GPC6: variants seen among roughly 807,000 people sequenced by gnomAD.
GPC6 encodes the protein glypican-6.
Under a neutral mutation model 55.2 loss-of-function variants are expected in GPC6, and 14 were observed. The observed-to-expected ratio is 0.25, with a 90% CI of 0.17 to 0.40. GPC6 has a LOEUF of 0.40. Ranked by LOEUF, GPC6 falls within the 10% of genes least tolerant of loss-of-function variation. The pLI is 1.00. For missense variants in GPC6, 641 were observed against 708.5 expected (o/e 0.90, Z 1.08); for synonymous variants, 278 against 259.6 (o/e 1.07, Z -0.68).
At chr13:93,765,253 C>CAGATAAGCTGTCTGGAAAGACAACTTTCT (rs2138883053) in intron 2 of GPC6, among the ~76,000 whole-genome samples, 2 of 78,312 alleles carry the variant, frequency 2.6e-5, no homozygotes, top group Non-Finnish European at 7.4e-5. Flanking sequence ...GACAACTTTC[C>CAGATAAGCTGTCTGGAAAGACAACTTTCT]AGATAAGCTG....
chr13:93,887,870 C>T (rs987732337), intron 3 of GPC6, among the ~76,000 whole-genome samples: 1 of 151,892 alleles, frequency 6.6e-6, no homozygotes. Context: ...TATAATGGAC[C>T]CATAAATGAA....
intron 2 of GPC6, among the ~76,000 whole-genome samples, chr13:93,802,696 G>C (rs1474060361): frequency 3.3e-5 from 5 of 152,142 alleles, no homozygotes; most frequent in African/African-American, 1.2e-4. Flanking sequence ...CCATGCTGGG[G>C]CTGAAAATAA....
chr13:93,851,812 C>A (rs1261099027), intron 3 of GPC6, among the ~76,000 whole-genome samples: 2 of 151,590 alleles, frequency 1.3e-5, no homozygotes, highest in Admixed American at 1.3e-4. Context: ...AGGATTATAT[C>A]CTTCTGCCAC....
chr13:94,004,886 A>T (rs997447944), intron 3 of GPC6, among the ~76,000 whole-genome samples: 2 of 152,022 alleles, frequency 1.3e-5, no homozygotes, highest in Non-Finnish European at 2.9e-5. Flanking sequence ...ACATGGTGAA[A>T]CACCGTCTCC....
chr13:93,782,472 T>C (rs1885683312), intron 2 of GPC6, among the ~76,000 whole-genome samples: 3 of 152,186 alleles, frequency 2.0e-5, no homozygotes, highest in Admixed American at 1.3e-4. Flanking sequence ...CTGCATCATA[T>C]AGTAGTTCGA....
rs1292999717 is a variant in GPC6 at position 94,407,466 on chromosome 13, TTG to T, written c.*4253_*4254del. 5 of 152,152 alleles carry T rather than the reference TTG, an allele frequency of 3.3e-5. No individual in the cohort carries two copies. Among genetic ancestry groups the T allele is most frequent in the Admixed American group, 6.5e-5 (1 of 15,276 alleles). The allele number at this position is 152,152 out of a possible 1,614,324, so 9.4% of individuals were successfully genotyped here. ...CTAAATTTCAGAGCCATGGAATTTT[TTG>T]TGTTTGAGACATTTTTAGAAGCTTC... On this transcript the variant is annotated 3_prime_UTR_variant, in exon 9 of 9. Coordinates refer to ENST00000377047, the MANE Select transcript of GPC6 (RefSeq NM_005708.5).
chr13:93,890,520 A>G (rs975168460), intron 3 of GPC6, among the ~76,000 whole-genome samples: 1 of 152,030 alleles, frequency 6.6e-6, no homozygotes, highest in Non-Finnish European at 1.5e-5. Context: ...TTTTGTTGTT[A>G]TCGAAAGGGG....
At chr13:93,546,507 C>T (rs1874796223) in intron 2 of GPC6, among the ~76,000 whole-genome samples, 1 of 152,160 alleles carries the variant, frequency 6.6e-6, no homozygotes, top group Non-Finnish European at 1.5e-5. Context: ...GTGTAAGTGA[C>T]CGGAGTTTGA....
chr13:93,480,305 C>A (rs894375911), intron 1 of GPC6, among the ~76,000 whole-genome samples: 8 of 151,950 alleles, frequency 5.3e-5, no homozygotes, highest in Admixed American at 4.6e-4. Context: ...TAAAGGGTAA[C>A]CTTTTGAATT....
intron 6 of GPC6, among the ~76,000 whole-genome samples, chr13:94,310,524 C>T (rs900609270): frequency 1.1e-4 from 16 of 152,122 alleles, no homozygotes; most frequent in African/African-American, 2.4e-4. Context: ...ATTTGTTTTC[C>T]TCTTGCTTCC....
At chr13:93,782,898 A>G (rs9524209) in intron 2 of GPC6, among the ~76,000 whole-genome samples, 51,210 of 151,940 alleles carry the variant, frequency 0.34, 9,191 homozygotes, top group African/African-American at 0.46. Context: ...TTGTTACATA[A>G]GTAAAGGTAT....
intron 4 of GPC6, among the ~76,000 whole-genome samples, chr13:94,133,714 A>G (rs1327106687): frequency 6.9e-6 from 1 of 144,230 alleles, no homozygotes; most frequent in African/African-American, 2.5e-5. Flanking sequence ...ACACAACAGC[A>G]TTTTTTTTTT....
intron 1 of GPC6, among the ~76,000 whole-genome samples, chr13:93,309,900 A>G (rs1310560714): frequency 6.6e-6 from 1 of 152,194 alleles, no homozygotes; most frequent in Non-Finnish European, 1.5e-5. Context: ...AATTGTTAAG[A>G]GCATCTACTT....
intron 4 of GPC6, among the ~76,000 whole-genome samples, chr13:94,201,004 C>A (rs1452076363): frequency 6.6e-6 from 1 of 152,148 alleles, no homozygotes; most frequent in Non-Finnish European, 1.5e-5. Context: ...GTTGCAGGAC[C>A]TAACAAAGTG....
chr13:93,634,496 G>C (rs1051179464), intron 2 of GPC6, among the ~76,000 whole-genome samples: 3 of 152,186 alleles, frequency 2.0e-5, no homozygotes, highest in Non-Finnish European at 2.9e-5. Context: ...TTAAACGGTG[G>C]TTTAAACAAA....
chr13:94,119,859 G>T (rs1886563787), intron 4 of GPC6, among the ~76,000 whole-genome samples: 1 of 152,102 alleles, frequency 6.6e-6, no homozygotes. Context: ...AGTGGAAACA[G>T]TCACACCAGG....
At chr13:93,223,800 C>T (rs1388790793), upstream of GPC6, among the ~76,000 whole-genome samples, 4 of 151,962 alleles carry the variant, frequency 2.6e-5, no homozygotes, top group African/African-American at 7.3e-5. Flanking sequence ...GAACCAAGCA[C>T]CAACTCCTGC....
At chr13:93,544,657 T>C (rs1272138053) in intron 1 of GPC6, among the ~76,000 whole-genome samples, 2 of 152,214 alleles carry the variant, frequency 1.3e-5, no homozygotes, top group Non-Finnish European at 2.9e-5. Context: ...CCTTTCATTC[T>C]ACATTTCCTT....
At chr13:94,074,474 C>G (rs1054634696) in intron 4 of GPC6, among the ~76,000 whole-genome samples, 11 of 152,178 alleles carry the variant, frequency 7.2e-5, no homozygotes, top group African/African-American at 2.7e-4. Context: ...AAATTCCTCC[C>G]CTTCAGGATG....
Sources: allele counts gnomAD v4.1 joint callset (sites outside exome capture counted in the v4.1 genomes callset), GRCh38; gene constraint gnomAD v4.1.1; transcripts MANE v1.5; gene names NCBI Gene and HGNC (gene_info 2026-07-23, HGNC 2026-07-21).